PRKCH: variants seen among roughly 807,000 people sequenced by gnomAD.
PRKCH encodes protein kinase C eta.
In PRKCH, 28 loss-of-function variants were observed where a neutral mutation model predicts 82.5. The ratio of observed to expected loss-of-function variants is 0.34; its 90% CI spans 0.25 to 0.47. PRKCH has a LOEUF of 0.47. Ranked by LOEUF, PRKCH falls within the 20% of genes least tolerant of loss-of-function variation. The pLI is 1.00. For synonymous variants in PRKCH, 322 were observed against 327.4 expected, an observed-to-expected ratio of 0.98 and a Z score of 0.18; for missense variants, 705 against 881.8, an observed-to-expected ratio of 0.80 and a Z score of 2.54.
At chr14:61,260,110 T>A (rs1309625772) in intron 1 of PRKCH, among the ~76,000 whole-genome samples, 4 of 152,232 alleles carry the variant, frequency 2.6e-5, no homozygotes, top group African/African-American at 9.6e-5. Context: ...CTAAATGGTA[T>A]AACTGATTAC....
chr14:61,266,378 A>T (rs1168962629), intron 1 of PRKCH, among the ~76,000 whole-genome samples: 1 of 152,222 alleles, frequency 6.6e-6, no homozygotes, highest in African/African-American at 2.4e-5. Flanking sequence ...AGATTGTGCC[A>T]CTGAACTCCA....
chr14:61,526,975 G>A, intron 10 of PRKCH, among the ~76,000 whole-genome samples: 1 of 152,264 alleles, frequency 6.6e-6, no homozygotes, highest in East Asian at 1.9e-4. Flanking sequence ...AAAAGGCCAA[G>A]CTGTTGCTCT....
At chr14:61,386,995 A>C (rs2046597752) in intron 1 of PRKCH, among the ~76,000 whole-genome samples, 1 of 152,186 alleles carries the variant, frequency 6.6e-6, no homozygotes. Context: ...GATGTTACGA[A>C]GAGCTGTTCT....
rs1491304992 is a variant in PRKCH at position 61,529,005 on chromosome 14, T to TGTGTGTGC, written c.1434-69_1434-68insTGTGTGCG. The TGTGTGTGC allele has an allele frequency of 1.3e-4, 187 of 1,460,624 alleles. 6 individuals carry two copies. The African/African-American group carries it at 2.2e-3, about 17-fold the overall frequency. 90.5% of individuals were successfully genotyped at this position (1,460,624 alleles called of 1,614,324 possible). On this transcript the variant is annotated intron_variant, in intron 10 of 13. Coordinates refer to ENST00000332981, the MANE Select transcript of PRKCH (RefSeq NM_006255.5). ...GTGTGTGTGTGTGTGTGTGTGTGTG[T>TGTGTGTGC]GCCCATTCTGAGAGGTGGATGGTTT...
intron 2 of PRKCH, among the ~76,000 whole-genome samples, chr14:61,428,110 CACAT>C (rs773359079): frequency 2.7e-5 from 2 of 75,438 alleles, no homozygotes; most frequent in East Asian, 5.1e-4. Flanking sequence ...TATATATACA[CACAT>C]ATATATATAT....
intron 1 of PRKCH, among the ~76,000 whole-genome samples, chr14:61,227,588 G>A (rs953411524): frequency 3.3e-5 from 5 of 150,168 alleles, no homozygotes; most frequent in Non-Finnish European, 7.4e-5. Flanking sequence ...GCGAGACTCT[G>A]TCTCAAAAAA....
intron 10 of PRKCH, among the ~76,000 whole-genome samples, chr14:61,494,337 G>C (rs900710351): frequency 6.6e-6 from 1 of 152,208 alleles, no homozygotes; most frequent in Non-Finnish European, 1.5e-5. Flanking sequence ...TCATCATTTA[G>C]AGTAAGTATC....
At chr14:61,188,823 G>T (rs1388550759) in intron 1 of PRKCH, among the ~76,000 whole-genome samples, 1 of 151,700 alleles carries the variant, frequency 6.6e-6, no homozygotes, top group Non-Finnish European at 1.5e-5. Context: ...GGGTTCAAGC[G>T]ATTCTCCTGC....
intron 1 of PRKCH, among the ~76,000 whole-genome samples, chr14:61,354,354 T>G (rs1357109771): frequency 6.6e-6 from 1 of 152,120 alleles, no homozygotes; most frequent in African/African-American, 2.4e-5. Context: ...CTGCATAATA[T>G]TTCAGTCACT....
chr14:61,310,919 G>A (rs2045518940), intron 1 of PRKCH, among the ~76,000 whole-genome samples: 2 of 152,228 alleles, frequency 1.3e-5, no homozygotes, highest in African/African-American at 2.4e-5. Context: ...AGCTGCCAAG[G>A]CTTGGGGCTT....
intron 2 of PRKCH, among the ~76,000 whole-genome samples, chr14:61,403,600 T>C (rs1206928799): frequency 2.0e-5 from 3 of 152,212 alleles, no homozygotes. Context: ...CTGTTACAGA[T>C]AGCTTCATGC....
chr14:61,518,718 T>C (rs1594780807), intron 10 of PRKCH, among the ~76,000 whole-genome samples: 2 of 152,306 alleles, frequency 1.3e-5, no homozygotes, highest in Middle Eastern at 3.4e-3. Flanking sequence ...ACTGCCTACA[T>C]GTCAAGGGCA....
At chr14:61,438,641 G>A (rs1218607062) in intron 2 of PRKCH, among the ~76,000 whole-genome samples, 1 of 152,132 alleles carries the variant, frequency 6.6e-6, no homozygotes, top group Non-Finnish European at 1.5e-5. Flanking sequence ...CACAGCAACC[G>A]AGAATAGGAG....
At chr14:61,443,865 G>A (rs1262221426) in intron 3 of PRKCH, among the ~76,000 whole-genome samples, 2 of 152,140 alleles carry the variant, frequency 1.3e-5, no homozygotes, top group Non-Finnish European at 2.9e-5. Flanking sequence ...AGTGGCAAAT[G>A]TAAAATAAAT....
intron 1 of PRKCH, among the ~76,000 whole-genome samples, chr14:61,296,748 G>T (rs1739672837): frequency 6.6e-6 from 1 of 152,044 alleles, no homozygotes; most frequent in South Asian, 2.1e-4. Flanking sequence ...TTCATCCAAG[G>T]TATTTCTAAT....
rs1038538835 is a variant in PRKCH at position 61,514,758 on chromosome 14, C to A, written c.1434-14317C>A. On this transcript the variant is annotated intron_variant, in intron 10 of 13. Transcript: ENST00000332981. ...CTGTGTTAGGCACTGAAGGGAACCCCGAAATATAAAGATATAGAAACGAAG... is the reference window on the plus strand; with the variant it reads ...CTGTGTTAGGCACTGAAGGGAACCCAGAAATATAAAGATATAGAAACGAAG... Among the ~76,000 whole-genome samples, 36 of 151,974 alleles carry A rather than the reference C, an allele frequency of 2.4e-4. 1 individual carries two copies. Among genetic ancestry groups the A allele is most frequent in the African/African-American group, 8.5e-4 (35 of 41,310 alleles).
intron 1 of PRKCH, among the ~76,000 whole-genome samples, chr14:61,349,718 G>A (rs556495594): frequency 8.5e-5 from 13 of 152,104 alleles, no homozygotes; most frequent in African/African-American, 2.4e-4. Context: ...AAAATTAGCC[G>A]GGCATGGAAG....
intron 9 of PRKCH, among the ~76,000 whole-genome samples, chr14:61,472,904 G>A (rs2140313822): frequency 6.6e-6 from 1 of 152,296 alleles, no homozygotes; most frequent in South Asian, 2.1e-4. Flanking sequence ...TGCATTATGT[G>A]CCAGGGATGA....
At chr14:61,397,848 G>A (rs919812351) in intron 2 of PRKCH, among the ~76,000 whole-genome samples, 15 of 152,166 alleles carry the variant, frequency 9.9e-5, no homozygotes, top group East Asian at 3.9e-4. Context: ...TGCCTAATGC[G>A]GGGGTAAAAA....
Sources: allele counts gnomAD v4.1 joint callset (sites outside exome capture counted in the v4.1 genomes callset), GRCh38; gene constraint gnomAD v4.1.1; transcripts MANE v1.5; gene names NCBI Gene and HGNC (gene_info 2026-07-23, HGNC 2026-07-21).